Variants in EPB41L1 observed in about 807,000 individuals in gnomAD.
EPB41L1 encodes the protein erythrocyte membrane protein band 4.1 like 1.
EPB41L1 carries 29 observed loss-of-function variants against 97.8 expected under a neutral mutation model. The observed-to-expected ratio is 0.30, with a 90% confidence interval of 0.22 to 0.40. The LOEUF (loss-of-function observed/expected upper bound fraction) is 0.40. Among genes scored for constraint, EPB41L1 ranks in the 10% least tolerant of loss-of-function variants. EPB41L1 has a pLI of 1.00. For synonymous variants in EPB41L1, 383 were observed against 459.2 expected (o/e 0.83, Z 2.12); for missense variants, 812 against 1,162.3 (o/e 0.70, Z 4.38).
At chr20:36,175,769 C>G in intron 3 of EPB41L1, 54 bp downstream of exon 3, 1 of 1,601,026 alleles carries the variant, frequency 6.2e-7, no homozygotes, top group Non-Finnish European at 8.5e-7. Flanking sequence ...AGCCTCAGGT[C>G]CAGGGCAGGC....
At chr20:36,134,758 G>A (rs1448858574) in intron 2 of EPB41L1, among the ~76,000 whole-genome samples, 1 of 152,054 alleles carries the variant, frequency 6.6e-6, no homozygotes, top group East Asian at 1.9e-4. Context: ...ATTGGTCTCA[G>A]GTAGGCAGAA....
chr20:36,110,161 G>A (rs568540721), intron 1 of EPB41L1, among the ~76,000 whole-genome samples: 4 of 152,010 alleles, frequency 2.6e-5, no homozygotes, highest in Admixed American at 6.6e-5. Context: ...GGCTGGTCTC[G>A]AACTCCCCAC....
intron 2 of EPB41L1, among the ~76,000 whole-genome samples, chr20:36,174,290 G>A (rs1188921737): frequency 6.7e-6 from 1 of 150,332 alleles, no homozygotes; most frequent in African/African-American, 2.5e-5. Flanking sequence ...TAATTGAGTT[G>A]GAGTCTCGCC....
At chr20:36,170,994 G>C (rs1383887207) in intron 1 of EPB41L1, among the ~76,000 whole-genome samples, 1 of 152,134 alleles carries the variant, frequency 6.6e-6, no homozygotes, top group African/African-American at 2.4e-5. Context: ...CCCAGGAAAA[G>C]TTCCGAGAGT....
Position 36,207,749 on chromosome 20 carries a change from A to G in EPB41L1, c.1669-1739A>G. 1.6e-6 allele frequency: 2 copies of G among 1,289,792 alleles called. No homozygotes were observed. Among genetic ancestry groups the G allele is most frequent in the Non-Finnish European group, 2.0e-6 (2 of 988,770 alleles). 79.9% of individuals were successfully genotyped at this position (1,289,792 alleles called of 1,614,324 possible). A position where few individuals can be genotyped will look rare whatever the true frequency, so the allele number is the denominator to read the frequency against. ...CCCGTGTCCCCCAATTCAGGCTGTG[A>G]AACCACGCTGGCAGAAGCTACTGGA... On this transcript the variant is annotated intron_variant, in intron 14 of 21. Coordinates refer to ENST00000338074, the MANE Select transcript of EPB41L1 (RefSeq NM_012156.2). The surrounding 1 kb of genome is among the most constrained non-coding windows in gnomAD (Gnocchi z 4.9).
At chr20:36,157,300 G>A (rs2060349455) in intron 1 of EPB41L1, among the ~76,000 whole-genome samples, 1 of 152,216 alleles carries the variant, frequency 6.6e-6, no homozygotes, top group South Asian at 2.1e-4. Flanking sequence ...CAAAGTGATA[G>A]TATTTATTGA....
chr20:36,190,147 C>A lies in EPB41L1; in HGVS notation c.1027-130C>A. 2 of 763,768 alleles carry A rather than the reference C, an allele frequency of 2.6e-6. No individual in the cohort carries two copies. The highest frequency in any genetic ancestry group is 1.6e-5 in the South Asian group (1 of 63,946). The allele number at this position is 763,768 out of a possible 1,614,324, so 47.3% of individuals were successfully genotyped here. ...GCTATGATTGCGCCACTGTACTCCA[C>A]CCTGGGCAAATGATCGAGACCCTGT... On this transcript the variant is annotated intron_variant, in intron 9 of 21. Coordinates refer to ENST00000338074, the MANE Select transcript of EPB41L1 (RefSeq NM_012156.2). The surrounding 1 kb of genome is among the most constrained non-coding windows in gnomAD (Gnocchi z 5.8).
At chr20:36,102,585 GA>G (rs1246869515) in intron 1 of EPB41L1, among the ~76,000 whole-genome samples, 1 of 152,146 alleles carries the variant, frequency 6.6e-6, no homozygotes, top group Non-Finnish European at 1.5e-5. Context: ...ATGCAGCTTT[GA>G]TCTGTGGTTC....
chr20:36,103,812 C>T (rs1008189403), intron 1 of EPB41L1, among the ~76,000 whole-genome samples: 7 of 151,372 alleles, frequency 4.6e-5, no homozygotes, highest in African/African-American at 7.3e-5. Flanking sequence ...ACGCCATTCT[C>T]CTGCCTCAGC....
rs1379862773 is a variant in EPB41L1, at chr20:36,206,825, G to C, written c.1669-2663G>C. The stretch of plus-strand genomic sequence containing the variant: ...CGAGAGGAAGGGACCCCCGTGAGTG[G>C]AGATTTGCTGGGAAAGGCTGAGGAA... On this transcript the variant is annotated intron_variant, in intron 14 of 21. Coordinates refer to ENST00000338074, the MANE Select transcript of EPB41L1 (RefSeq NM_012156.2). The surrounding 1 kb of genome is among the most constrained non-coding windows in gnomAD (Gnocchi z 5.5). 7.8e-7 allele frequency: 1 copy of C among 1,289,894 alleles called. No homozygotes were observed. The highest frequency in any genetic ancestry group is 1.0e-6 in the Non-Finnish European group (1 of 988,894). 79.9% of individuals were successfully genotyped at this position (1,289,894 alleles called of 1,614,324 possible).
At chr20:36,124,948 A>T (rs2058901973) in intron 2 of EPB41L1, among the ~76,000 whole-genome samples, 1 of 152,142 alleles carries the variant, frequency 6.6e-6, no homozygotes, top group African/African-American at 2.4e-5. Context: ...GCAGCGGGTA[A>T]TTAAGATTGG....
Position 36,209,687 on chromosome 20 carries a change from C to T in EPB41L1, c.1868C>T (p.Thr623Met), listed in dbSNP as rs1309723956. The change falls in exon 15 of 22, where the codon ACG (threonine) becomes ATG (methionine). Residue 623 changes from threonine (T) to methionine (M), a missense_variant. By Grantham distance (81) the Thr-to-Met change is moderately conservative. This residue lies in a region of EPB41L1 where 498 missense variants were observed against 622.7 expected (regional missense o/e 0.80). Coordinates refer to ENST00000338074, the MANE Select transcript of EPB41L1 (RefSeq NM_012156.2). The surrounding 1 kb of genome is among the most constrained non-coding windows in gnomAD (Gnocchi z 4.2). ...TSSLEAEVDF[T>M]VIGDYHGSAF... ...AGCCTGGAGGCTGAGGTGGACTTCA[C>T]GGTCATTGGTGACTACCATGGCAGC... 11 of 1,609,544 alleles carry T rather than the reference C, an allele frequency of 6.8e-6. No homozygotes were observed. The highest frequency in any genetic ancestry group is 8.5e-6 in the Non-Finnish European group (10 of 1,177,618).
At chr20:36,204,202 G>A (rs6579277) in intron 14 of EPB41L1, among the ~76,000 whole-genome samples, 7,465 of 152,222 alleles carry the variant, frequency 0.049, 634 homozygotes, top group African/African-American at 0.17. Context: ...AGGGGCTCTA[G>A]TTGGGGCAGT....
intron 1 of EPB41L1, chr20:36,155,623 C>T (rs2060263686): frequency 2.2e-6 from 1 of 456,332 alleles, no homozygotes; most frequent in Admixed American, 2.4e-5. Context: ...GACTGGCAGA[C>T]GTATATGGCT....
chr20:36,149,267 A>T lies in EPB41L1; in HGVS notation c.-9-26284A>T, dbSNP rs966743923. Among the ~76,000 whole-genome samples the T allele has an allele frequency of 4.6e-5, 7 of 152,168 alleles. No individual in the cohort carries two copies. In the South Asian group the frequency reaches 1.0e-3, roughly 23 times the overall value. ...TGCCCCAGCCCCTTTGCCAGAGGTG[A>T]ACATTGCCCTTAGGCTGTTCAACAA... On this transcript the variant is annotated intron_variant, in intron 2 of 19. Coordinates refer to the EPB41L1 transcript ENST00000202028.
intron 21 of EPB41L1, among the ~76,000 whole-genome samples, chr20:36,228,085 A>G (rs2064283444): frequency 6.6e-6 from 1 of 152,270 alleles, no homozygotes; most frequent in Non-Finnish European, 1.5e-5. Flanking sequence ...AAATGAGCCA[A>G]GAAAGATCCA....
At chr20:36,177,342 G>A (rs1405733599) in intron 3 of EPB41L1, among the ~76,000 whole-genome samples, 1 of 152,178 alleles carries the variant, frequency 6.6e-6, no homozygotes, top group Admixed American at 6.5e-5. Context: ...TAGCTCTACA[G>A]GAGTGGGAGG....
rs1386755500 is a variant in EPB41L1 at position 36,093,578 on chromosome 20, C to T, written c.-65+1966C>T. On this transcript the variant is annotated intron_variant, in intron 1 of 19. Transcript: ENST00000202028. The surrounding 1 kb of genome is among the most constrained non-coding windows in gnomAD (Gnocchi z 5.4). ...CAGAGACTCCCTGCTGGCAGGTGGG[C>T]GGCCACACCCCGGGGGTCGGGGGAA... 6.6e-6 allele frequency among the ~76,000 whole-genome samples: 1 copy of T among 151,720 alleles called. No individual in the cohort carries two copies. The highest frequency in any genetic ancestry group is 1.5e-5 in the Non-Finnish European group (1 of 67,936).
At chr20:36,127,870 G>A (rs187768346) in intron 2 of EPB41L1, among the ~76,000 whole-genome samples, 120 of 152,260 alleles carry the variant, frequency 7.9e-4, no homozygotes, top group Non-Finnish European at 1.5e-3. Context: ...CCAGCCTTGA[G>A]CATTGTTTTG....
Sources: gnomAD v4.1 joint callset for allele counts (sites outside exome capture counted in the v4.1 genomes callset) on GRCh38, gnomAD v4.1.1 for gene constraint, gnomAD v4.1.1 regional missense constraint, Gnocchi (gnomAD v3.1) non-coding constraint, MANE v1.5 for transcripts, NCBI Gene and HGNC (gene_info 2026-07-23, HGNC 2026-07-21) for gene names.